Variants in NCLN observed in about 807,000 individuals in gnomAD.
NCLN encodes nicalin.
In NCLN, 34 loss-of-function variants were observed where a neutral mutation model predicts 69.5. The observed-to-expected ratio is 0.49, with a 90% CI of 0.37 to 0.65. The LOEUF (loss-of-function observed/expected upper bound fraction) is 0.65. Ranked by LOEUF, NCLN falls within the 30% of genes least tolerant of loss-of-function variation. NCLN has a pLI of 0.00. For synonymous variants in NCLN, 393 were observed against 358.3 expected (o/e 1.10, Z -1.09); for missense variants, 710 against 804.8 (o/e 0.88, Z 1.42).
intron 1 of NCLN, among the ~76,000 whole-genome samples, chr19:3,190,939 G>C (rs1166458730): frequency 6.6e-6 from 1 of 152,148 alleles, no homozygotes; most frequent in Non-Finnish European, 1.5e-5. Flanking sequence ...GCTGAACGTG[G>C]GTGGCCCTTT....
chr19:3,194,004 G>C (rs1367695993), intron 3 of NCLN, among the ~76,000 whole-genome samples: 1 of 152,220 alleles, frequency 6.6e-6, no homozygotes, highest in Non-Finnish European at 1.5e-5. Context: ...GGGCTTGCCC[G>C]GGGCTGTCAT....
At position 3,200,919 on chromosome 19, in the gene NCLN, C is replaced by T. The variant is rs116761793; in HGVS notation, c.697-604C>T. On this transcript the variant is annotated intron_variant, in intron 5 of 14. Transcript: ENST00000246117. ...CACTGAGGAGGGTGTTTATTGTCCCCCTGAATTCAGTGCCACCGAGGTCCC... is the reference window on the plus strand; with the variant it reads ...CACTGAGGAGGGTGTTTATTGTCCCTCTGAATTCAGTGCCACCGAGGTCCC... 6.7e-3 allele frequency among the ~76,000 whole-genome samples: 1,024 copies of T among 152,268 alleles called. 13 individuals are homozygous for T. The highest frequency in any genetic ancestry group is 0.024 in the African/African-American group (978 of 41,548).
At chr19:3,187,650 C>T (rs1915704848) in intron 1 of NCLN, among the ~76,000 whole-genome samples, 1 of 152,228 alleles carries the variant, frequency 6.6e-6, no homozygotes, top group African/African-American at 2.4e-5. Context: ...ACCACGGGTG[C>T]TCCTGGCATG....
Position 3,198,803 on chromosome 19 carries a change from C to T in NCLN, c.616-14C>T. On this transcript the variant is annotated splice_polypyrimidine_tract_variant and intron_variant, in intron 4 of 14. Coordinates refer to ENST00000246117, the MANE Select transcript of NCLN (RefSeq NM_020170.4). ...CAGGAACAGCCAGGCCATTCCCCTGCTCTCTATCCACAGGGGCGGCTGACG... is the reference window on the plus strand; with the variant it reads ...CAGGAACAGCCAGGCCATTCCCCTGTTCTCTATCCACAGGGGCGGCTGACG... The T allele has an allele frequency of 6.3e-7, 1 of 1,576,684 alleles. No individual in the cohort carries two copies. Among genetic ancestry groups the T allele is most frequent in the Non-Finnish European group, 8.6e-7 (1 of 1,162,312 alleles).
At chr19:3,194,781 C>T (rs1042867899) in intron 3 of NCLN, among the ~76,000 whole-genome samples, 2 of 141,506 alleles carry the variant, frequency 1.4e-5, no homozygotes, top group African/African-American at 5.2e-5. Flanking sequence ...GACAGAGTCT[C>T]ACTCTGTTGC....
chr19:3,193,530 T>C, intron 3 of NCLN, 102 bp downstream of exon 3: 1 of 1,345,022 alleles, frequency 7.4e-7, no homozygotes. Flanking sequence ...GCTCTCAGCG[T>C]GTGGCATCCC....
At position 3,186,153 on chromosome 19, in the gene NCLN, C is replaced by T. The variant is rs1208129096; in HGVS notation, c.123C>T (p.Asp41=). ...LLVAPPLPAA[D]AAHEFTVYRM... is the part of the protein sequence containing the mutation. ...TGGCGCCGCCGCTGCCTGCCGCCGA[C>T]GCCGCGCACGAGTTCACCGTGTACC... is the stretch of plus-strand genomic sequence containing the variant. Residue 41 remains aspartate, a synonymous_variant, in exon 1 of 15, where the codon GAC becomes GAT. Coordinates refer to ENST00000246117, the MANE Select transcript of NCLN (RefSeq NM_020170.4). 3 of 1,596,004 alleles carry T rather than the reference C, an allele frequency of 1.9e-6. No homozygotes were observed. Among genetic ancestry groups the T allele is most frequent in the Non-Finnish European group, 2.6e-6 (3 of 1,173,582 alleles).
At chr19:3,190,769 C>G (rs1444537286) in intron 1 of NCLN, among the ~76,000 whole-genome samples, 1 of 151,074 alleles carries the variant, frequency 6.6e-6, no homozygotes, top group African/African-American at 2.5e-5. Context: ...TACCCGGCCC[C>G]CCTGCGTCAG....
chr19:3,202,290 C>G (rs1916146357), intron 6 of NCLN, among the ~76,000 whole-genome samples: 1 of 152,188 alleles, frequency 6.6e-6, no homozygotes, highest in Non-Finnish European at 1.5e-5. Context: ...GGAGTTTATC[C>G]TGGTGTCTGG....
rs1309875138 is a variant in NCLN at position 3,208,025 on chromosome 19, G to T, written c.*337G>T. On this transcript the variant is annotated 3_prime_UTR_variant, in exon 15 of 15. Transcript: ENST00000246117. Reference sequence around the variant, plus strand: ...ACACATGCACGATTAAAGAGGAGACGCCGGGACCCCCTGCCCGATCGCGCG... The same window carrying T: ...ACACATGCACGATTAAAGAGGAGACTCCGGGACCCCCTGCCCGATCGCGCG... The T allele has an allele frequency of 3.2e-6, 1 of 307,950 alleles. No individual in the cohort carries two copies. The highest frequency in any genetic ancestry group is 6.1e-6 in the Non-Finnish European group (1 of 163,644). 19.1% of individuals were successfully genotyped at this position (307,950 alleles called of 1,614,324 possible).
Position 3,185,932 on chromosome 19 carries a change from G to A in NCLN, c.-99G>A, listed in dbSNP as rs1233302382. 1 of 891,744 alleles carries A rather than the reference G, an allele frequency of 1.1e-6. No individual in the cohort carries two copies. Among genetic ancestry groups the A allele is most frequent in the Non-Finnish European group, 1.4e-6 (1 of 690,004 alleles). 55.2% of individuals were successfully genotyped at this position (891,744 alleles called of 1,614,324 possible). A position where few individuals can be genotyped will look rare whatever the true frequency, so the allele number is the denominator to read the frequency against. The stretch of plus-strand genomic sequence containing the variant: ...GGGCTGCCCCGCGCGGCGCCCGCAG[G>A]ACCCCGGCGGCTACCCATGCCGAGG... On this transcript the variant is annotated 5_prime_UTR_variant, in exon 1 of 15. Transcript: ENST00000246117.
rs142742490 is a variant in NCLN at position 3,187,243 on chromosome 19, C to T, written c.184+1029C>T. Among the ~76,000 whole-genome samples the T allele has an allele frequency of 2.9e-3, 441 of 152,350 alleles. 1 individual carries two copies. Among genetic ancestry groups the T allele is most frequent in the African/African-American group, 8.8e-3 (366 of 41,572 alleles). ...CGTGGCCCTGACCCCAGTGTCTAGA[C>T]CATTCCACATCCCCTTGTCTTTGCC... On this transcript the variant is annotated intron_variant, in intron 1 of 14. Coordinates refer to ENST00000246117, the MANE Select transcript of NCLN (RefSeq NM_020170.4).
intron 8 of NCLN, 27 bp from the exon 9 acceptor site, chr19:3,204,546 C>T (rs774910365): frequency 8.6e-6 from 13 of 1,508,996 alleles, no homozygotes; most frequent in Admixed American, 4.3e-5. Context: ...CCCGCCTGCC[C>T]TCTGCTAATG....
intron 6 of NCLN, among the ~76,000 whole-genome samples, chr19:3,202,726 G>A (rs1052446273): frequency 6.6e-6 from 1 of 151,608 alleles, no homozygotes; most frequent in Non-Finnish European, 1.5e-5. Context: ...TTACAGGTGT[G>A]AGCCACCATG....
intron 1 of NCLN, among the ~76,000 whole-genome samples, chr19:3,191,305 G>T (rs1372456909): frequency 6.6e-6 from 1 of 152,158 alleles, no homozygotes; most frequent in African/African-American, 2.4e-5. Flanking sequence ...GCCCTGGCGA[G>T]TTTCCAGAGC....
At chr19:3,196,341 C>T (rs1915954624) in intron 4 of NCLN, 64 bp downstream of exon 4, 1 of 1,272,544 alleles carries the variant, frequency 7.9e-7, no homozygotes, top group African/African-American at 1.5e-5. Context: ...CCGCCTGGCT[C>T]CCCGGCTCGG....
rs1333454944 is a variant in NCLN, at chr19:3,189,140, G to T, written c.184+2926G>T. On this transcript the variant is annotated intron_variant, in intron 1 of 14. Coordinates refer to ENST00000246117, the MANE Select transcript of NCLN (RefSeq NM_020170.4). Reference sequence around the variant, plus strand: ...GGTGTGATCTGGGTCTCACTGGCCAGGTGCACAGCACCCCTCTCCTGGGAG... The same window carrying T: ...GGTGTGATCTGGGTCTCACTGGCCATGTGCACAGCACCCCTCTCCTGGGAG... Among the ~76,000 whole-genome samples the T allele has an allele frequency of 2.0e-5, 3 of 152,334 alleles. No individual in the cohort carries two copies. The East Asian group carries it at 5.8e-4, about 29-fold the overall frequency.
Position 3,207,634 on chromosome 19 carries a change from C to T in NCLN, c.1638C>T (p.Phe546=). Residue 546 remains phenylalanine, a synonymous_variant, in exon 15 of 15, where the codon TTC becomes TTT. Coordinates refer to ENST00000246117, the MANE Select transcript of NCLN (RefSeq NM_020170.4). ...LGMAYVAVQH[F]SLLYKTVQRL... ...CCCTCCTGCTGTGTCCCCAGCACTT[C>T]AGCCTCCTCTACAAGACCGTCCAGA... The T allele has an allele frequency of 1.2e-6, 2 of 1,612,998 alleles. No homozygotes were observed. Among genetic ancestry groups the T allele is most frequent in the South Asian group, 1.1e-5 (1 of 91,086 alleles).
rs377469231 is a variant in NCLN at position 3,192,527 on chromosome 19, G to A, written c.242G>A (p.Ser81Asn). The A allele has an allele frequency of 2.5e-6, 4 of 1,608,738 alleles. No individual in the cohort carries two copies. The highest frequency in any genetic ancestry group is 3.4e-6 in the Non-Finnish European group (4 of 1,178,414). ...CGCACGATGGCGGCGGAGGTGCTGA[G>A]CCGCCGCTGCGTGCTCATGCGGCTA... ...EARTMAAEVL[S>N]RRCVLMRLLD... is the part of the protein sequence containing the mutation. Residue 81 changes from serine (S) to asparagine (N), a missense_variant, in exon 2 of 15, where the codon AGC (serine) becomes AAC (asparagine). Transcript: ENST00000246117.
Sources: gnomAD v4.1 joint callset for allele counts (sites outside exome capture counted in the v4.1 genomes callset) on GRCh38, gnomAD v4.1.1 for gene constraint, MANE v1.5 for transcripts, NCBI Gene and HGNC (gene_info 2026-07-23, HGNC 2026-07-21) for gene names.